The following RBMS3 variants were observed in gnomAD, a reference collection of about 807,000 sequenced individuals.
RBMS3 encodes the protein RNA binding motif single stranded interacting protein 3.
Under a neutral mutation model 66.8 loss-of-function variants are expected in RBMS3, and 27 were observed. The observed-to-expected ratio is 0.40, with a 90% CI of 0.30 to 0.56. RBMS3 has a LOEUF of 0.56. RBMS3 is among the 20% of genes least tolerant of loss of function. RBMS3 has a pLI of 0.40. For synonymous variants in RBMS3, 188 were observed against 183.0 expected (o/e 1.03, Z -0.22); for missense variants, 513 against 549.5 (o/e 0.93, Z 0.66).
At chr3:29,693,094 G>T (rs1324902749) in intron 4 of RBMS3, among the ~76,000 whole-genome samples, 2 of 152,000 alleles carry the variant, frequency 1.3e-5, no homozygotes, top group African/African-American at 2.4e-5. Flanking sequence ...GACTAAAGTG[G>T]TTTTTTACTG....
chr3:29,391,568 T>A (rs2039296933), intron 1 of RBMS3, among the ~76,000 whole-genome samples: 2 of 152,244 alleles, frequency 1.3e-5, no homozygotes, highest in African/African-American at 4.8e-5. Flanking sequence ...CTATTATAGT[T>A]ATTAATACAC....
intron 1 of RBMS3, among the ~76,000 whole-genome samples, chr3:29,379,805 T>A (rs1195380796): frequency 6.6e-6 from 1 of 152,152 alleles, no homozygotes; most frequent in Non-Finnish European, 1.5e-5. Context: ...AGACGACAGG[T>A]GCTGCCTTGA....
chr3:29,587,381 T>C (rs1214499834), intron 4 of RBMS3, among the ~76,000 whole-genome samples, 176 bp downstream of exon 4: 2 of 151,796 alleles, frequency 1.3e-5, no homozygotes, highest in Non-Finnish European at 2.9e-5. Flanking sequence ...ATTTGGTTTA[T>C]ATTTTCTTGT....
chr3:29,316,011 A>C (rs193026208), intron 1 of RBMS3, among the ~76,000 whole-genome samples: 1 of 151,736 alleles, frequency 6.6e-6, no homozygotes, highest in Admixed American at 6.6e-5. Context: ...TTTTCCTTCA[A>C]ATGCTCTGTT....
At chr3:29,859,254 C>T (rs984252776) in intron 6 of RBMS3, among the ~76,000 whole-genome samples, 2 of 152,172 alleles carry the variant, frequency 1.3e-5, no homozygotes, top group Admixed American at 6.5e-5. Flanking sequence ...GGAGAACTAA[C>T]TGGTTTCCTA....
intron 1 of RBMS3, among the ~76,000 whole-genome samples, chr3:29,296,204 A>C (rs952239345): frequency 6.6e-6 from 1 of 151,774 alleles, no homozygotes; most frequent in African/African-American, 2.4e-5. Flanking sequence ...TTTGTCTGCC[A>C]CCTTATATAC....
intron 11 of RBMS3, among the ~76,000 whole-genome samples, chr3:29,940,048 A>G (rs562967449): frequency 1.6e-4 from 25 of 151,862 alleles, no homozygotes; most frequent in Non-Finnish European, 3.2e-4. Flanking sequence ...CTAAGACCCA[A>G]TCAAGACCCT....
At chr3:29,683,068 G>A (rs1010660833) in intron 4 of RBMS3, among the ~76,000 whole-genome samples, 1 of 152,060 alleles carries the variant, frequency 6.6e-6, no homozygotes, top group Non-Finnish European at 1.5e-5. Flanking sequence ...TTAGTGTGTC[G>A]GGGGCAGAAT....
intron 8 of RBMS3, among the ~76,000 whole-genome samples, chr3:29,894,212 ATTTG>A (rs1003300425): frequency 5.3e-5 from 8 of 151,246 alleles, no homozygotes; most frequent in Admixed American, 1.3e-4. Context: ...CATCTTTTTC[ATTTG>A]TTTGTTTGTT....
At chr3:29,729,577 T>G (rs2054040315) in intron 4 of RBMS3, among the ~76,000 whole-genome samples, 1 of 152,180 alleles carries the variant, frequency 6.6e-6, no homozygotes, top group Admixed American at 6.5e-5. Context: ...TCTTCTACAA[T>G]GGTTGAACTA....
chr3:29,497,885 T>G (rs1206696754), intron 3 of RBMS3, among the ~76,000 whole-genome samples: 1 of 151,194 alleles, frequency 6.6e-6, no homozygotes, highest in Non-Finnish European at 1.5e-5. Flanking sequence ...CTTGGCCAGG[T>G]ATGTGTTCCA....
chr3:29,593,518 G>T (rs1393816766), intron 4 of RBMS3, among the ~76,000 whole-genome samples: 2 of 147,420 alleles, frequency 1.4e-5, no homozygotes, highest in South Asian at 4.6e-4. Context: ...GAGACTGGGT[G>T]GGAAACAATC....
At chr3:29,381,182 C>G (rs1235969668) in intron 1 of RBMS3, among the ~76,000 whole-genome samples, 46 of 152,172 alleles carry the variant, frequency 3.0e-4, no homozygotes, top group Admixed American at 2.9e-3. Flanking sequence ...CTGCTCTCCA[C>G]TGGCATTGAC....
chr3:29,361,751 T>C (rs970961256), intron 1 of RBMS3, among the ~76,000 whole-genome samples: 8 of 152,222 alleles, frequency 5.3e-5, no homozygotes, highest in Non-Finnish European at 1.2e-4. Context: ...TTATTTCTTT[T>C]TATTCTTTTT....
intron 1 of RBMS3, among the ~76,000 whole-genome samples, chr3:29,352,926 C>CTT (rs60099747): frequency 1.9e-4 from 28 of 144,708 alleles, no homozygotes; most frequent in Admixed American, 4.1e-4. Flanking sequence ...TACATTCATT[C>CTT]TTTTTTTTTT....
At chr3:29,756,661 T>C (rs2055428618) in intron 5 of RBMS3, among the ~76,000 whole-genome samples, 1 of 152,012 alleles carries the variant, frequency 6.6e-6, no homozygotes, top group South Asian at 2.1e-4. Flanking sequence ...TGAGATTTGG[T>C]TGGGGACACA....
intron 1 of RBMS3, among the ~76,000 whole-genome samples, chr3:29,414,327 A>C (rs1459139862): frequency 6.6e-6 from 1 of 152,196 alleles, no homozygotes; most frequent in Non-Finnish European, 1.5e-5. Context: ...AGGACCACCC[A>C]CTTTCTCCAT....
Position 29,532,710 on chromosome 3 carries a change from C to T in RBMS3, c.307+44211C>T, listed in dbSNP as rs2045413222. Among the ~76,000 whole-genome samples the T allele has an allele frequency of 2.6e-5, 4 of 152,032 alleles. No homozygotes were observed. The South Asian group carries it at 8.3e-4, about 32-fold the overall frequency. Reference sequence around the variant, plus strand: ...TGCCACTGCCCTCTAGTGCGGACAACGTAGCCAGATCCAGTCTCTAAAAAT... The same window carrying T: ...TGCCACTGCCCTCTAGTGCGGACAATGTAGCCAGATCCAGTCTCTAAAAAT... On this transcript the variant is annotated intron_variant, in intron 3 of 14. Transcript: ENST00000383767.
At chr3:29,482,488 T>C (rs1472379465) in intron 2 of RBMS3, among the ~76,000 whole-genome samples, 2 of 152,162 alleles carry the variant, frequency 1.3e-5, no homozygotes, top group Non-Finnish European at 2.9e-5. Flanking sequence ...TCAGTCAAAC[T>C]ACTACTTAGC....
Sources: allele counts gnomAD v4.1 joint callset (sites outside exome capture counted in the v4.1 genomes callset), GRCh38; gene constraint gnomAD v4.1.1; transcripts MANE v1.5; gene names NCBI Gene and HGNC (gene_info 2026-07-23, HGNC 2026-07-21).